USP2: variants seen among roughly 807,000 people sequenced by gnomAD.
The protein encoded by USP2 is ubiquitin carboxyl-terminal hydrolase 2.
In USP2, 33 loss-of-function variants were observed where a neutral mutation model predicts 72.0. That is an observed-to-expected ratio of 0.46 (90% CI 0.35 to 0.61). USP2 has a LOEUF of 0.61. Among genes scored for constraint, USP2 ranks in the 20% least tolerant of loss-of-function variants. The pLI, the probability that USP2 is intolerant of heterozygous loss-of-function variation, is 0.01. For synonymous variants in USP2, 296 were observed against 312.5 expected, an observed-to-expected ratio of 0.95 and a Z score of 0.56; for missense variants, 691 against 797.8, an observed-to-expected ratio of 0.87 and a Z score of 1.61.
In USP2 at chr11:119,359,344, T is replaced by C. The variant is rs1462506793; in HGVS notation, c.950-2A>G. 6.2e-7 allele frequency: 1 copy of C among 1,612,520 alleles called. No individual in the cohort carries two copies. The highest frequency in any genetic ancestry group is 1.3e-5 in the African/African-American group (1 of 74,946). ...TGGTCTGAATTAGTTTTGCAAACTC[T>C]ATTGGAAGGAGAGAGTGTACAGGAC... On this transcript the variant is annotated splice_acceptor_variant, in intron 4 of 12. Transcript: ENST00000260187. LOFTEE classifies it high-confidence loss of function.
intron 1 of USP2, among the ~76,000 whole-genome samples, chr11:119,374,644 C>G (rs534695589): frequency 6.6e-6 from 1 of 152,226 alleles, no homozygotes; most frequent in African/African-American, 2.4e-5. Flanking sequence ...TTGGGGACCC[C>G]CAGAGGCCTT....
In USP2 at chr11:119,381,619, T is replaced by G. The variant is rs1436893390; in HGVS notation, c.-188A>C. Reference sequence around the variant, plus strand: ...GGCTCCTGCCTGACTCTCTCCCACCTCCGCCGGGGGCCCAGAAGGGACCTC... The same window carrying G: ...GGCTCCTGCCTGACTCTCTCCCACCGCCGCCGGGGGCCCAGAAGGGACCTC... On this transcript the variant is annotated 5_prime_UTR_variant, in exon 1 of 13. Coordinates refer to ENST00000260187, the MANE Select transcript of USP2 (RefSeq NM_004205.5). The G allele has an allele frequency of 6.9e-7, 1 of 1,451,280 alleles. No homozygotes were observed. Among genetic ancestry groups the G allele is most frequent in the East Asian group, 2.5e-5 (1 of 40,388 alleles). The allele number at this position is 1,451,280 out of a possible 1,614,324, so 89.9% of individuals were successfully genotyped here.
intron 1 of USP2, among the ~76,000 whole-genome samples, chr11:119,375,998 C>T (rs675873): frequency 0.59 from 89,713 of 152,052 alleles, 26,952 homozygotes; most frequent in East Asian, 0.82. Context: ...CAGACCCCTC[C>T]GCCTCCTCCT....
At chr11:119,376,449 G>T in intron 1 of USP2, 1 of 981,218 alleles carries the variant, frequency 1.0e-6, no homozygotes, top group Non-Finnish European at 1.2e-6. Flanking sequence ...CCCAGTGCGG[G>T]GGGCCCCTGC....
chr11:119,370,370 AGTG>A (rs1264886506), intron 2 of USP2, among the ~76,000 whole-genome samples: 1 of 152,174 alleles, frequency 6.6e-6, no homozygotes, highest in Admixed American at 6.5e-5. Flanking sequence ...TAATCTGTGA[AGTG>A]GGAACTATGA....
intron 2 of USP2, among the ~76,000 whole-genome samples, chr11:119,370,517 T>C (rs571126687): frequency 5.9e-5 from 9 of 152,302 alleles, no homozygotes; most frequent in African/African-American, 2.2e-4. Flanking sequence ...AGAAAGAAAC[T>C]GGACCCAGTT....
rs757895422 is a variant in USP2 at position 119,357,486 on chromosome 11, T to G, written c.1606A>C (p.Thr536Pro). Reference sequence around the variant, plus strand: ...CTGCCTACTCAAAGATACTCACTGGTGTTTTCTGAGGCAAATTCTCTTAAG... The same window carrying G: ...CTGCCTACTCAAAGATACTCACTGGGGTTTTCTGAGGCAAATTCTCTTAAG... ...LDLREFASEN[T>P]NHAVYNLYAV... The change falls in exon 11 of 13, where the codon ACC becomes CCC. Residue 536 changes from threonine (T) to proline (P), a missense_variant. Transcript: ENST00000260187. 2 of 1,614,044 alleles carry G rather than the reference T, an allele frequency of 1.2e-6. No individual in the cohort carries two copies. The highest frequency in any genetic ancestry group is 1.7e-5 in the Admixed American group (1 of 59,998).
chr11:119,369,466 C>T (rs1368929793), intron 2 of USP2, among the ~76,000 whole-genome samples: 2 of 152,298 alleles, frequency 1.3e-5, no homozygotes, highest in South Asian at 2.1e-4. Flanking sequence ...AGTCAGCTAT[C>T]CTGAGAATCC....
rs1950636286 is a variant in USP2 at position 119,355,465 on chromosome 11, T to C, written c.*1370A>G. Reference sequence around the variant, plus strand: ...CAGCTGTGTGGGTGAACAGCTTTACTCTCCAGGACAGCACAGAGTTTTATC... The same window carrying C: ...CAGCTGTGTGGGTGAACAGCTTTACCCTCCAGGACAGCACAGAGTTTTATC... On this transcript the variant is annotated 3_prime_UTR_variant, in exon 13 of 13. Transcript: ENST00000260187. The C allele has an allele frequency of 6.6e-6, 1 of 152,154 alleles. No homozygotes were observed. Among genetic ancestry groups the C allele is most frequent in the African/African-American group, 2.4e-5 (1 of 41,420 alleles). 9.4% of individuals were successfully genotyped at this position (152,154 alleles called of 1,614,324 possible). A position where few individuals can be genotyped will look rare whatever the true frequency, so the allele number is the denominator to read the frequency against.
At chr11:119,363,220 T>C (rs1950791348) in intron 2 of USP2, among the ~76,000 whole-genome samples, 1 of 152,186 alleles carries the variant, frequency 6.6e-6, no homozygotes, top group Non-Finnish European at 1.5e-5. Flanking sequence ...CCTTCTCCCT[T>C]CCCCAGGCGG....
chr11:119,378,132 A>G (rs1469261260), intron 1 of USP2, among the ~76,000 whole-genome samples: 1 of 152,138 alleles, frequency 6.6e-6, no homozygotes, highest in Non-Finnish European at 1.5e-5. Flanking sequence ...GCCACTTGCT[A>G]ACAGCATCAG....
At chr11:119,363,867 G>A in intron 2 of USP2, 1 of 1,352,750 alleles carries the variant, frequency 7.4e-7, no homozygotes, top group African/African-American at 1.6e-5. Flanking sequence ...TGTTGAGCAG[G>A]AGCCCCACGA....
At chr11:119,362,774 A>AC (rs1298334238) in intron 2 of USP2, among the ~76,000 whole-genome samples, 3 of 152,160 alleles carry the variant, frequency 2.0e-5, no homozygotes, top group African/African-American at 7.2e-5. Flanking sequence ...GAAGGAAATG[A>AC]CCCCAAGTGT....
intron 2 of USP2, among the ~76,000 whole-genome samples, chr11:119,369,611 T>C (rs1347796159): frequency 6.6e-6 from 1 of 152,116 alleles, no homozygotes; most frequent in Non-Finnish European, 1.5e-5. Flanking sequence ...TTAAATGACC[T>C]CTTCTGCAGC....
Position 119,357,556 on chromosome 11 carries a change from G to T in USP2, c.1536C>A (p.Thr512=), listed in dbSNP as rs1950688358. Reference sequence around the variant, plus strand: ...AGTTCACAAATGTTGTGAGCTTGCTGGTTCGGATCCTGGATTCTGAGAACC... The same window carrying T: ...AGTTCACAAATGTTGTGAGCTTGCTTGTTCGGATCCTGGATTCTGAGAACC... The part of the protein sequence containing the change: ...LKRFSESRIR[T]SKLTTFVNFP... Residue 512 remains threonine, a synonymous_variant, in exon 11 of 13, where the codon ACC becomes ACA. Coordinates refer to ENST00000260187, the MANE Select transcript of USP2 (RefSeq NM_004205.5). The T allele has an allele frequency of 6.2e-7, 1 of 1,614,176 alleles. No individual in the cohort carries two copies. The highest frequency in any genetic ancestry group is 1.7e-5 in the Admixed American group (1 of 60,022).
intron 1 of USP2, 120 bp from the exon 2 acceptor site, chr11:119,373,641 C>A: frequency 9.9e-7 from 1 of 1,009,070 alleles, no homozygotes; most frequent in East Asian, 2.6e-5. Flanking sequence ...CCACAAGAGG[C>A]AGGCTGGCTG....
rs781066728 is a variant in USP2 at position 119,381,606 on chromosome 11, ACTCT to A, written c.-179_-176del. 83 of 1,489,534 alleles carry A rather than the reference ACTCT, an allele frequency of 5.6e-5. No homozygotes were observed. The African/African-American group carries it at 1.1e-3, about 20-fold the overall frequency. The allele number at this position is 1,489,534 out of a possible 1,614,324, so 92.3% of individuals were successfully genotyped here. A position where few individuals can be genotyped will look rare whatever the true frequency, so the allele number is the denominator to read the frequency against. On this transcript the variant is annotated 5_prime_UTR_variant, in exon 1 of 13. An upstream open reading frame in the 5' UTR loses its in-frame stop. Transcript: ENST00000260187. ...GCTCCCCGGCCTCGGCTCCTGCCTG[ACTCT>A]CTCCCACCTCCGCCGGGGGCCCAGA...
At chr11:119,365,132 G>A (rs1265652376) in intron 2 of USP2, among the ~76,000 whole-genome samples, 1 of 152,152 alleles carries the variant, frequency 6.6e-6, no homozygotes, top group Admixed American at 6.5e-5. Context: ...GAGCTTGCTG[G>A]CTATTTTTAG....
Position 119,360,301 on chromosome 11 carries a change from G to C in USP2, c.775-67C>G. The C allele has an allele frequency of 2.6e-6, 4 of 1,554,274 alleles. 1 individual carries two copies. The highest frequency in any genetic ancestry group is 2.3e-5 in the South Asian group (2 of 87,790). ...TGCTAGGCCTGTGCTGGGCTCTCTCGTGCAATTTCTAACCAGCTGGAGCCA... is the reference window on the plus strand; with the variant it reads ...TGCTAGGCCTGTGCTGGGCTCTCTCCTGCAATTTCTAACCAGCTGGAGCCA... On this transcript the variant is annotated intron_variant, in intron 2 of 12. Transcript: ENST00000260187.
Sources: gnomAD v4.1 joint callset for allele counts (sites outside exome capture counted in the v4.1 genomes callset) on GRCh38, gnomAD v4.1.1 for gene constraint, MANE v1.5 for transcripts, NCBI Gene and HGNC (gene_info 2026-07-23, HGNC 2026-07-21) for gene names.